The following FANCE variants were observed in gnomAD, a reference collection of about 807,000 sequenced individuals.
The protein encoded by FANCE is Fanconi anemia group E protein.
A neutral mutation model predicts 57.8 loss-of-function variants in FANCE; 42 were observed. That is an observed-to-expected ratio of 0.73 (90% CI 0.57 to 0.94). FANCE has a LOEUF of 0.94. Ranked by LOEUF, FANCE falls within the 40% of genes least tolerant of loss-of-function variation. FANCE has a pLI of 0.00. For missense variants in FANCE, 608 were observed against 661.8 expected (o/e 0.92, Z 0.89); for synonymous variants, 251 against 286.4 (o/e 0.88, Z 1.25).
At position 35,459,375 on chromosome 6, in the gene FANCE, C is replaced by A. The variant is rs768455098; in HGVS notation, c.1158C>A (p.Ala386=). 1 of 1,614,096 alleles carries A rather than the reference C, an allele frequency of 6.2e-7. No homozygotes were observed. Among genetic ancestry groups the A allele is most frequent in the Non-Finnish European group, 8.5e-7 (1 of 1,180,024 alleles). Residue 386 remains alanine, a synonymous_variant, in exon 6 of 10, where the codon GCC becomes GCA. Coordinates refer to ENST00000229769, the MANE Select transcript of FANCE (RefSeq NM_021922.3). ...CAGCCTCCCGCCTGCTTACAACTGC[C>A]CTGACCTCCTTCTGTGCCAAATATA... The part of the protein sequence containing the change: ...TSSASRLLTT[A]LTSFCAKYTY...
At chr6:35,452,857 C>T in intron 1 of FANCE, 64 bp downstream of exon 1, 1 of 1,259,402 alleles carries the variant, frequency 7.9e-7, no homozygotes, top group Non-Finnish European at 1.0e-6. Context: ...GGGAACGACA[C>T]ACACAGAGGT....
rs958638298 is a variant in FANCE, at chr6:35,458,029, C to G, written c.969+45C>G. 3 of 1,542,674 alleles carry G rather than the reference C, an allele frequency of 1.9e-6. No individual in the cohort carries two copies. The Admixed American group carries it at 5.0e-5, about 26-fold the overall frequency. On this transcript the variant is annotated intron_variant, in intron 4 of 9. Transcript: ENST00000229769. Reference sequence around the variant, plus strand: ...TGGCTCTGAGGTTACATTCTCTGTCCCTTATCTTTTTCTATTTAAGTTTAT... The same window carrying G: ...TGGCTCTGAGGTTACATTCTCTGTCGCTTATCTTTTTCTATTTAAGTTTAT...
intron 7 of FANCE, among the ~76,000 whole-genome samples, chr6:35,460,190 A>T (rs1321354043): frequency 1.3e-5 from 2 of 152,098 alleles, no homozygotes; most frequent in Admixed American, 1.3e-4. Context: ...GTCTTGGCTC[A>T]CTGCAGCCTC....
rs763375295 is a variant in FANCE, at chr6:35,462,841, AGGGGCT to A, written c.1439_1444del (p.Gly480_Leu481del). 1 of 1,614,204 alleles carries A rather than the reference AGGGGCT, an allele frequency of 6.2e-7. No homozygotes were observed. The highest frequency in any genetic ancestry group is 1.7e-5 in the Admixed American group (1 of 60,034). On this transcript the variant is annotated inframe_deletion, in exon 9 of 10. Coordinates refer to ENST00000229769, the MANE Select transcript of FANCE (RefSeq NM_021922.3). ...GTCTTAATGGAGAAGCTCTGTAAAAAGGGGCTGGCAGCCACCACCTCCATGGCCTAT... is the reference window on the plus strand; with the variant it reads ...GTCTTAATGGAGAAGCTCTGTAAAAAGGCAGCCACCACCTCCATGGCCTAT...
chr6:35,462,143 T>A (rs1767618010), intron 8 of FANCE, among the ~76,000 whole-genome samples: 1 of 152,004 alleles, frequency 6.6e-6, no homozygotes, highest in South Asian at 2.1e-4. Context: ...AGTCTCACTC[T>A]ATCACCCAGG....
chr6:35,460,842 G>GC (rs1180604201), intron 8 of FANCE, among the ~76,000 whole-genome samples: 1 of 152,182 alleles, frequency 6.6e-6, no homozygotes, highest in African/African-American at 2.4e-5. Context: ...AGCTGGGGGG[G>GC]CCTTGGGGGT....
intron 8 of FANCE, 93 bp from the exon 9 acceptor site, chr6:35,462,696 G>A: frequency 1.3e-6 from 2 of 1,563,760 alleles, no homozygotes; most frequent in Non-Finnish European, 1.8e-6. Flanking sequence ...ACCTAGCTAG[G>A]AAGTGGTGGA....
chr6:35,462,924 G>C lies in FANCE; in HGVS notation c.1509+10G>C, dbSNP rs1408703516. The C allele has an allele frequency of 6.2e-7, 1 of 1,614,120 alleles. No homozygotes were observed. Among genetic ancestry groups the C allele is most frequent in the Admixed American group, 1.7e-5 (1 of 60,026 alleles). ...CAAGTATCAGGCTAACGTGAGTATT[G>C]ATAGGGCCTTGGGGCTGGTCCTGCT... On this transcript the variant is annotated intron_variant, in intron 9 of 9. Coordinates refer to ENST00000229769, the MANE Select transcript of FANCE (RefSeq NM_021922.3).
intron 4 of FANCE, 69 bp downstream of exon 4, chr6:35,458,053 A>C: frequency 6.8e-7 from 1 of 1,472,964 alleles, no homozygotes; most frequent in East Asian, 2.3e-5. Context: ...ATTTAAGTTT[A>C]TGTTTTCCTA....
Position 35,456,134 on chromosome 6 carries a change from G to A in FANCE, c.636G>A (p.Glu212=), listed in dbSNP as rs1297411804. ...CAGAGGAAGAGGCTGCCAGTCCTGA[G>A]GGGAAGAGGGTCCCCAAAAGATTAC... ...KDSEEEAASP[E]GKRVPKRLRC... is the part of the protein sequence containing the mutation. Residue 212 remains glutamate (E), a synonymous_variant, in exon 2 of 10, where the codon GAG becomes GAA. Transcript: ENST00000229769. The surrounding 1 kb of genome is among the most constrained non-coding windows in gnomAD (Gnocchi z 4.3). The A allele has an allele frequency of 6.2e-7, 1 of 1,614,012 alleles. No individual in the cohort carries two copies. The highest frequency in any genetic ancestry group is 1.3e-5 in the African/African-American group (1 of 75,030).
At chr6:35,457,733 A>G (rs1054482767) in intron 3 of FANCE, 133 bp downstream of exon 3, 124 of 1,151,906 alleles carry the variant, frequency 1.1e-4, no homozygotes, top group Middle Eastern at 1.9e-4. Flanking sequence ...AGGTCTGAGG[A>G]CAGTCTCTGA....
rs1767134134 is a variant in FANCE, at chr6:35,452,347, T to C, written c.-199T>C. 1 of 488,262 alleles carries C rather than the reference T, an allele frequency of 2.0e-6. No individual in the cohort carries two copies. Among genetic ancestry groups the C allele is most frequent in the African/African-American group, 2.0e-5 (1 of 49,168 alleles). 30.2% of individuals were successfully genotyped at this position (488,262 alleles called of 1,614,324 possible). ...CCGGCCGCGCCTCCCTCCTTCCCTT[T>C]CCGACAGCGCGGGAACGGCTGCGGC... On this transcript the variant is annotated 5_prime_UTR_variant, in exon 1 of 10. Coordinates refer to ENST00000229769, the MANE Select transcript of FANCE (RefSeq NM_021922.3).
At position 35,466,711 on chromosome 6, in the gene FANCE, C is replaced by T. The variant is rs1767854162; in HGVS notation, c.*366C>T. The T allele has an allele frequency of 1.0e-5, 4 of 400,566 alleles. No homozygotes were observed. In the East Asian group the frequency reaches 1.8e-4, roughly 18 times the overall value. 24.8% of individuals were successfully genotyped at this position (400,566 alleles called of 1,614,324 possible). ...TCCCAAGTAGCTGGGACTACATGCA[C>T]ATGACACTATGCCCAGCTAATTTTT... On this transcript the variant is annotated 3_prime_UTR_variant, in exon 10 of 10. Coordinates refer to ENST00000229769, the MANE Select transcript of FANCE (RefSeq NM_021922.3).
At chr6:35,464,277 T>C (rs1156923168) in intron 9 of FANCE, among the ~76,000 whole-genome samples, 3 of 137,476 alleles carry the variant, frequency 2.2e-5, no homozygotes, top group South Asian at 2.5e-4. Context: ...CTCACTCTGT[T>C]GCCCAGGCTA....
In FANCE at chr6:35,457,952, C is replaced by T. The variant is rs557021652; in HGVS notation, c.937C>T (p.Leu313=). 51 of 1,614,060 alleles carry T rather than the reference C, an allele frequency of 3.2e-5. No individual in the cohort carries two copies. In the South Asian group the frequency reaches 5.2e-4, roughly 16 times the overall value. Residue 313 remains leucine, a synonymous_variant, in exon 4 of 10, where the codon CTA becomes TTA. Transcript: ENST00000229769. ...ATTGGAGGATGCCCCCCCAGTTGAG[C>T]TACAGCTTCTTCACGAATGTAGTCC... ...EGLEDAPPVE[L]QLLHECSPSQ...
Position 35,455,876 on chromosome 6 carries a change from C to T in FANCE, c.378C>T (p.Ala126=). 1 of 1,614,168 alleles carries T rather than the reference C, an allele frequency of 6.2e-7. No homozygotes were observed. Among genetic ancestry groups the T allele is most frequent in the South Asian group, 1.1e-5 (1 of 91,084 alleles). Reference sequence around the variant, plus strand: ...TGCAGATTGCCCAGCAGGACCTAGCCCCTGACCCAGATGCCTGGCTCCGTG... The same window carrying T: ...TGCAGATTGCCCAGCAGGACCTAGCTCCTGACCCAGATGCCTGGCTCCGTG... ...SVLQIAQQDL[A]PDPDAWLRAL... Residue 126 remains alanine (A), a synonymous_variant, in exon 2 of 10, where the codon GCC becomes GCT. Transcript: ENST00000229769.
Position 35,456,459 on chromosome 6 carries a change from T to C in FANCE, c.855+106T>C, listed in dbSNP as rs2150892084. The C allele has an allele frequency of 6.9e-7, 1 of 1,441,108 alleles. No homozygotes were observed. The highest frequency in any genetic ancestry group is 9.8e-7 in the Non-Finnish European group (1 of 1,025,602). The allele number at this position is 1,441,108 out of a possible 1,614,324, so 89.3% of individuals were successfully genotyped here. A position where few individuals can be genotyped will look rare whatever the true frequency, so the allele number is the denominator to read the frequency against. ...TTTTTCCCAATGGAGTTGACTGTAG[T>C]TCCTGGAGGAAGAAGGAGGAAGGTA... On this transcript the variant is annotated intron_variant, in intron 2 of 9. Transcript: ENST00000229769. The surrounding 1 kb of genome is among the most constrained non-coding windows in gnomAD (Gnocchi z 4.3).
At chr6:35,463,791 A>G (rs1173960485) in intron 9 of FANCE, among the ~76,000 whole-genome samples, 1 of 151,734 alleles carries the variant, frequency 6.6e-6, no homozygotes, top group East Asian at 1.9e-4. Context: ...CCTCCCGAGT[A>G]GCTGGGATTA....
Position 35,456,361 on chromosome 6 carries a change from G to T in FANCE, c.855+8G>T. Reference sequence around the variant, plus strand: ...TTGCCCAAAGCTATCCAGGTACTTTGGTAGGGAGACTGGGTTTAGAGTGAT... The same window carrying T: ...TTGCCCAAAGCTATCCAGGTACTTTTGTAGGGAGACTGGGTTTAGAGTGAT... On this transcript the variant is annotated splice_region_variant and intron_variant, in intron 2 of 9. Coordinates refer to ENST00000229769, the MANE Select transcript of FANCE (RefSeq NM_021922.3). The surrounding 1 kb of genome is among the most constrained non-coding windows in gnomAD (Gnocchi z 4.3). The T allele has an allele frequency of 6.2e-7, 1 of 1,614,170 alleles. No homozygotes were observed. Among genetic ancestry groups the T allele is most frequent in the East Asian group, 2.2e-5 (1 of 44,880 alleles).
Sources: allele counts gnomAD v4.1 joint callset (sites outside exome capture counted in the v4.1 genomes callset), GRCh38; gene constraint gnomAD v4.1.1; non-coding constraint Gnocchi (gnomAD v3.1); transcripts MANE v1.5; gene names NCBI Gene and HGNC (gene_info 2026-07-23, HGNC 2026-07-21).